Variants in LIAS observed in about 807,000 individuals in gnomAD.
LIAS encodes lipoic acid synthetase.
In LIAS, 36 loss-of-function variants were observed where a neutral mutation model predicts 49.4. The ratio of observed to expected loss-of-function variants is 0.73; its 90% CI spans 0.56 to 0.96. The LOEUF is 0.96. LIAS is among the 40% of genes least tolerant of loss of function. The pLI is 0.00. For synonymous variants in LIAS, 145 were observed against 155.8 expected (o/e 0.93, Z 0.52); for missense variants, 399 against 456.3 (o/e 0.87, Z 1.14).
intron 6 of LIAS, chr4:39,466,699 A>G (rs1428840942): frequency 6.6e-6 from 1 of 152,120 alleles, no homozygotes; most frequent in African/African-American, 2.4e-5. Context: ...GCAACAGAGC[A>G]AGACCCTGTT....
chr4:39,469,400 G>T (rs185413808), intron 7 of LIAS: 3 of 152,212 alleles, frequency 2.0e-5, no homozygotes, highest in African/African-American at 7.2e-5. Context: ...AAGCTTTCTG[G>T]CCTTTTGGCT....
Position 39,467,618 on chromosome 4 carries a change from A to G in LIAS, c.709A>G (p.Asn237Asp), listed in dbSNP as rs778212967. ...ALSGLDVYAH[N>D]VETVPELQSK... ...GTCAGGATTAGATGTGTATGCACAT[A>G]ATGTAGAAACAGTCCCGGAATTACA... The change falls in exon 7 of 11, where the codon AAT becomes GAT. Residue 237 changes from asparagine to aspartate, a missense_variant. Around this residue, in one of 3 missense-constraint regions of LIAS, gnomAD observed 234 missense variants for 292.2 expected, o/e 0.80. Coordinates refer to ENST00000640888, the MANE Select transcript of LIAS (RefSeq NM_006859.4). The G allele has an allele frequency of 3.1e-6, 5 of 1,594,724 alleles. No homozygotes were observed. The highest frequency in any genetic ancestry group is 4.3e-6 in the Non-Finnish European group (5 of 1,169,990).
intron 8 of LIAS, chr4:39,470,459 A>T: frequency 3.8e-6 from 1 of 264,124 alleles, no homozygotes; most frequent in Non-Finnish European, 7.4e-6. Context: ...GCATGATTTC[A>T]TCCACTTTTC....
chr4:39,468,502 A>AAAATATAT (rs140159831), intron 7 of LIAS: 14 of 125,152 alleles, frequency 1.1e-4, no homozygotes, highest in Middle Eastern at 4.6e-3. Flanking sequence ...GGAAAAAAAA[A>AAAATATAT]ATATATATAT....
chr4:39,470,650 T>A (rs1232002762), intron 8 of LIAS: 4 of 157,568 alleles, frequency 2.5e-5, no homozygotes, highest in African/African-American at 9.6e-5. Context: ...TTGTGATTCT[T>A]GGACTTTTTA....
At chr4:39,467,753 ACT>A in intron 7 of LIAS, 107 bp downstream of exon 7, 3 of 1,150,122 alleles carry the variant, frequency 2.6e-6, no homozygotes, top group South Asian at 2.6e-5. Context: ...TACAAAGTAA[ACT>A]CTATTCTTTT....
intron 10 of LIAS, 54 bp downstream of exon 10, chr4:39,473,265 A>G (rs1291858564): frequency 9.3e-6 from 10 of 1,072,342 alleles, no homozygotes; most frequent in Non-Finnish European, 1.4e-5. Flanking sequence ...TTCCACATTA[A>G]GTTCTACCAC....
At chr4:39,470,303 C>T in intron 8 of LIAS, 139 bp downstream of exon 8, 1 of 535,002 alleles carries the variant, frequency 1.9e-6, no homozygotes, top group Non-Finnish European at 3.2e-6. Flanking sequence ...CCAACTTGCA[C>T]ATGCACCCTC....
intron 2 of LIAS, among the ~76,000 whole-genome samples, chr4:39,461,838 G>T (rs1390895327): frequency 2.0e-5 from 3 of 152,172 alleles, no homozygotes; most frequent in Admixed American, 2.0e-4. Flanking sequence ...GGGACTACAG[G>T]CGCCTGCCAC....
At chr4:39,461,052 T>C (rs959020412) in intron 2 of LIAS, 90 bp downstream of exon 2, 5 of 1,081,540 alleles carry the variant, frequency 4.6e-6, no homozygotes, top group Non-Finnish European at 6.5e-6. Context: ...CTGTTTTTAA[T>C]ATCAGACTTG....
At chr4:39,459,517 C>CT (rs954487584) in intron 1 of LIAS, among the ~76,000 whole-genome samples, 2 of 152,222 alleles carry the variant, frequency 1.3e-5, no homozygotes, top group African/African-American at 2.4e-5. Context: ...GAACACAAAC[C>CT]TGTCCGCTAG....
chr4:39,468,158 T>G (rs1399975408), intron 7 of LIAS: 1 of 152,080 alleles, frequency 6.6e-6, no homozygotes, highest in Non-Finnish European at 1.5e-5. Context: ...AGCAATTGCT[T>G]TGGTTGTAAT....
At chr4:39,467,051 T>G (rs1744784431) in intron 6 of LIAS, 1 of 152,192 alleles carries the variant, frequency 6.6e-6, no homozygotes, top group Non-Finnish European at 1.5e-5. Context: ...GTGAAATATT[T>G]GCCTAGAGGA....
chr4:39,472,970 G>A (rs147959431), intron 9 of LIAS, 130 bp from the exon 10 acceptor site: 2 of 600,510 alleles, frequency 3.3e-6, no homozygotes, highest in East Asian at 2.9e-5. Context: ...AGGAGGGAGA[G>A]GACAAAAGCC....
rs1364698611 is a variant in LIAS, at chr4:39,467,549, C to T, written c.640C>T (p.Pro214Ser). ...NPKILVECLT[P>S]DFRGDLKAIE... is the part of the protein sequence containing the mutation. The stretch of plus-strand genomic sequence containing the variant: ...AAAAATCCTTGTGGAGTGTCTTACT[C>T]CTGATTTTCGAGGTGATCTCAAAGC... Residue 214 changes from proline to serine, a missense_variant, in exon 7 of 11, where the codon CCT becomes TCT. Around this residue, in one of 3 missense-constraint regions of LIAS, gnomAD observed 234 missense variants for 292.2 expected, o/e 0.80. Coordinates refer to ENST00000640888, the MANE Select transcript of LIAS (RefSeq NM_006859.4). The T allele has an allele frequency of 3.7e-6, 6 of 1,607,054 alleles. No individual in the cohort carries two copies. Among genetic ancestry groups the T allele is most frequent in the East Asian group, 4.5e-5 (2 of 44,554 alleles).
At chr4:39,474,958 C>T (rs1002006455) in intron 10 of LIAS, 1 of 152,064 alleles carries the variant, frequency 6.6e-6, no homozygotes, top group Non-Finnish European at 1.5e-5. Flanking sequence ...CCTGAAATCC[C>T]AACACTTTGG....
chr4:39,466,006 TTG>T (rs1241271038), intron 6 of LIAS: 1 of 152,046 alleles, frequency 6.6e-6, no homozygotes, highest in Non-Finnish European at 1.5e-5. Context: ...CAGTCTTGCT[TTG>T]TCATCTAGGC....
chr4:39,459,834 C>T (rs1340616082), intron 1 of LIAS, among the ~76,000 whole-genome samples: 1 of 152,140 alleles, frequency 6.6e-6, no homozygotes, highest in Non-Finnish European at 1.5e-5. Flanking sequence ...GTGGCGTGCG[C>T]CTGTAGTCCC....
At chr4:39,464,829 C>G (rs1271103561) in intron 4 of LIAS, among the ~76,000 whole-genome samples, 2 of 152,160 alleles carry the variant, frequency 1.3e-5, no homozygotes, top group Admixed American at 1.3e-4. Flanking sequence ...TCCCCTTTCC[C>G]CTGAACACTA....
Sources: gnomAD v4.1 joint callset for allele counts (sites outside exome capture counted in the v4.1 genomes callset) on GRCh38, gnomAD v4.1.1 for gene constraint, gnomAD v4.1.1 regional missense constraint, MANE v1.5 for transcripts, NCBI Gene and HGNC (gene_info 2026-07-23, HGNC 2026-07-21) for gene names.